DCLRE1B: variants seen among roughly 807,000 people sequenced by gnomAD.
DCLRE1B encodes the protein 5' exonuclease Apollo.
Under a neutral mutation model 19.8 loss-of-function variants are expected in DCLRE1B, and 6 were observed. The observed-to-expected ratio is 0.30, with a 90% CI of 0.17 to 0.60. DCLRE1B has a LOEUF of 0.60. DCLRE1B is among the 20% of genes least tolerant of loss of function. The pLI is 0.87. For synonymous variants in DCLRE1B, 258 were observed against 255.7 expected, an observed-to-expected ratio of 1.01 and a Z score of -0.09; for missense variants, 622 against 654.2, an observed-to-expected ratio of 0.95 and a Z score of 0.54.
intron 2 of DCLRE1B, among the ~76,000 whole-genome samples, chr1:113,907,704 C>T (rs1291536256): frequency 1.3e-5 from 2 of 152,092 alleles, no homozygotes; most frequent in Admixed American, 6.6e-5. Context: ...GAACTCCTGA[C>T]CTCAGGTGAT....
upstream of DCLRE1B, chr1:113,904,828 A>G (rs1432313366): frequency 1.0e-6 from 1 of 971,352 alleles, no homozygotes; most frequent in Non-Finnish European, 1.6e-6. Flanking sequence ...TGAAAATACA[A>G]AAGGCGAGAT....
intron 2 of DCLRE1B, among the ~76,000 whole-genome samples, 187 bp downstream of exon 2, chr1:113,907,348 A>G (rs954089980): frequency 1.3e-5 from 2 of 150,850 alleles, no homozygotes; most frequent in Non-Finnish European, 2.9e-5. Flanking sequence ...ACAAGCCACC[A>G]CACCTGGCAG....
chr1:113,909,620 C>T (rs1272483648), intron 3 of DCLRE1B, among the ~76,000 whole-genome samples: 3 of 152,174 alleles, frequency 2.0e-5, no homozygotes, highest in Admixed American at 6.5e-5. Flanking sequence ...CTTATAAAGA[C>T]CTAACCATTC....
chr1:113,906,392 G>T lies in DCLRE1B; in HGVS notation c.190-604G>T, dbSNP rs1439723335. Among the ~76,000 whole-genome samples the T allele has an allele frequency of 4.6e-5, 7 of 151,286 alleles. No individual in the cohort carries two copies. In the East Asian group the frequency reaches 1.4e-3, roughly 30 times the overall value. ...CTCATCTTAAGAATCCACCTAATGTGCTGGGTGGTTCTCCAGCTCTCTCCC... is the reference window on the plus strand; with the variant it reads ...CTCATCTTAAGAATCCACCTAATGTTCTGGGTGGTTCTCCAGCTCTCTCCC... On this transcript the variant is annotated intron_variant, in intron 1 of 3. Transcript: ENST00000650450.
chr1:113,911,956 C>A lies in DCLRE1B; in HGVS notation c.1364C>A (p.Ser455Tyr). The A allele has an allele frequency of 1.2e-6, 2 of 1,614,178 alleles. No individual in the cohort carries two copies. The highest frequency in any genetic ancestry group is 8.5e-7 in the Non-Finnish European group (1 of 1,180,030). Residue 455 changes from serine (S) to tyrosine (Y), a missense_variant, in exon 4 of 4, where the codon TCC becomes TAC. Around this residue, in one of 3 missense-constraint regions of DCLRE1B, gnomAD observed 382 missense variants for 412.5 expected, o/e 0.93. Coordinates refer to ENST00000650450, the MANE Select transcript of DCLRE1B (RefSeq NM_022836.4). ...ACCAGGGAGGAAATTGGTTTAGGGT[C>A]CCCCTTGGTACCCATGGGAGATGAT... ...QKTREEIGLG[S>Y]PLVPMGDDDG... is the part of the protein sequence containing the mutation.
upstream of DCLRE1B, chr1:113,905,079 C>G (rs975119117): frequency 2.7e-6 from 1 of 375,802 alleles, no homozygotes; most frequent in African/African-American, 2.1e-5. Context: ...CCCTCCACGC[C>G]GTTCTCATCG....
At chr1:113,910,882 T>C (rs1404657964) in intron 3 of DCLRE1B, among the ~76,000 whole-genome samples, 1 of 152,170 alleles carries the variant, frequency 6.6e-6, no homozygotes, top group Non-Finnish European at 1.5e-5. Flanking sequence ...ACAGTTTTCT[T>C]TATTAGTTTT....
chr1:113,908,250 G>T, intron 3 of DCLRE1B, 59 bp downstream of exon 3: 1 of 1,561,650 alleles, frequency 6.4e-7, no homozygotes, highest in South Asian at 1.2e-5. Context: ...ATTCTTTAAG[G>T]ATTCTCACAT....
chr1:113,907,103 C>G lies in DCLRE1B; in HGVS notation c.297C>G (p.His99Gln), dbSNP rs1376204958. 6.2e-7 allele frequency: 1 copy of G among 1,612,158 alleles called. No homozygotes were observed. The highest frequency in any genetic ancestry group is 1.1e-5 in the South Asian group (1 of 91,022). Residue 99 changes from histidine (H) to glutamine (Q), a missense_variant, in exon 2 of 4, where the codon CAC becomes CAG. Transcript: ENST00000650450. ...TMTVTLLDAN[H>Q]CPGSVMFLFE... Reference sequence around the variant, plus strand: ...CCGTAACCCTCCTCGATGCCAATCACTGTCCTGGTTCTGTCATGTTTCTCT... The same window carrying G: ...CCGTAACCCTCCTCGATGCCAATCAGTGTCCTGGTTCTGTCATGTTTCTCT...
chr1:113,904,798 G>C, upstream of DCLRE1B: 1 of 1,204,398 alleles, frequency 8.3e-7, no homozygotes, highest in Non-Finnish European at 1.2e-6. Flanking sequence ...GGGAGCCTGA[G>C]TAAAGGAAAT....
At position 113,911,940 on chromosome 1, in the gene DCLRE1B, G is replaced by A. The variant is rs746256010; in HGVS notation, c.1348G>A (p.Glu450Lys). The A allele has an allele frequency of 8.1e-6, 13 of 1,614,080 alleles. 2 individuals carry two copies. The Admixed American group carries it at 2.2e-4, about 27-fold the overall frequency. Reference sequence around the variant, plus strand: ...GTTTATTTCTCAAAAAACCAGGGAGGAAATTGGTTTAGGGTCCCCCTTGGT... The same window carrying A: ...GTTTATTTCTCAAAAAACCAGGGAGAAAATTGGTTTAGGGTCCCCCTTGGT... ...EEFISQKTRE[E>K]IGLGSPLVPM... The change falls in exon 4 of 4, where the codon GAA becomes AAA. Residue 450 changes from glutamate to lysine, a missense_variant. Glu to Lys is a moderately conservative substitution (Grantham distance 56). This residue lies in a region of DCLRE1B where 382 missense variants were observed against 412.5 expected (regional missense o/e 0.93). Transcript: ENST00000650450.
At position 113,908,131 on chromosome 1, in the gene DCLRE1B, G is replaced by A. The variant is rs758126246; in HGVS notation, c.478G>A (p.Glu160Lys). The change falls in exon 3 of 4, where the codon GAA becomes AAA. Residue 160 changes from glutamate to lysine, a missense_variant. Physicochemically the swap from Glu to Lys is moderately conservative, Grantham distance 56 (BLOSUM62 1). Around this residue, in one of 3 missense-constraint regions of DCLRE1B, gnomAD observed 237 missense variants for 223.8 expected, o/e 1.06. Coordinates refer to ENST00000650450, the MANE Select transcript of DCLRE1B (RefSeq NM_022836.4). Reference protein sequence around the residue: ...NPALVLPSRQEAAHQIVQLIR... With the variant: ...NPALVLPSRQKAAHQIVQLIR... ...AGCCCTGGTTCTTCCTTCCCGACAA[G>A]AAGCTGCCCACCAGATTGTCCAGCT... is the stretch of plus-strand genomic sequence containing the variant. 1.9e-6 allele frequency: 3 copies of A among 1,614,186 alleles called. No homozygotes were observed. The South Asian group carries it at 3.3e-5, about 18-fold the overall frequency.
At position 113,911,724 on chromosome 1, in the gene DCLRE1B, C is replaced by G. The variant is rs773684168; in HGVS notation, c.1132C>G (p.Leu378Val). 7.4e-6 allele frequency: 12 copies of G among 1,614,156 alleles called. No homozygotes were observed. In the South Asian group the frequency reaches 1.2e-4, roughly 16 times the overall value. Residue 378 changes from leucine (L) to valine (V), a missense_variant, in exon 4 of 4, where the codon CTT becomes GTT. By Grantham distance (32) the Leu-to-Val change is conservative. Coordinates refer to ENST00000650450, the MANE Select transcript of DCLRE1B (RefSeq NM_022836.4). ...CTCAAAGAAGGCCAAGAAAGAGAAACTTTCTCCCTGGCCTGCGGACCTTGA... is the reference window on the plus strand; with the variant it reads ...CTCAAAGAAGGCCAAGAAAGAGAAAGTTTCTCCCTGGCCTGCGGACCTTGA... ...RDSKKAKKEK[L>V]SPWPADLEKQ...
chr1:113,907,135 G>A lies in DCLRE1B; in HGVS notation c.329G>A (p.Gly110Glu). ...GGTTCTGTCATGTTTCTCTTTGAAGGATATTTTGGAACCATCCTCTACACA... is the reference window on the plus strand; with the variant it reads ...GGTTCTGTCATGTTTCTCTTTGAAGAATATTTTGGAACCATCCTCTACACA... ...CPGSVMFLFE[G>E]YFGTILYTGD... Residue 110 changes from glycine to glutamate, a missense_variant, in exon 2 of 4, where the codon GGA becomes GAA. Physicochemically the swap from Gly to Glu is moderately conservative, Grantham distance 98 (BLOSUM62 -2). Around this residue, in one of 3 missense-constraint regions of DCLRE1B, gnomAD observed 237 missense variants for 223.8 expected, o/e 1.06. Coordinates refer to ENST00000650450, the MANE Select transcript of DCLRE1B (RefSeq NM_022836.4). 2 of 1,576,536 alleles carry A rather than the reference G, an allele frequency of 1.3e-6. No homozygotes were observed. The highest frequency in any genetic ancestry group is 1.1e-5 in the South Asian group (1 of 90,590).
chr1:113,910,075 T>C (rs1056353117), intron 3 of DCLRE1B, among the ~76,000 whole-genome samples: 1 of 152,232 alleles, frequency 6.6e-6, no homozygotes, highest in Admixed American at 6.5e-5. Context: ...CTCCATTTCT[T>C]TCTCTGTAAG....
chr1:113,909,570 C>T (rs1408924710), intron 3 of DCLRE1B, among the ~76,000 whole-genome samples: 4 of 152,130 alleles, frequency 2.6e-5, no homozygotes, highest in Admixed American at 1.3e-4. Flanking sequence ...ACTACCAAAT[C>T]GATTGAGAAA....
At chr1:113,907,464 G>GA (rs1553261686) in intron 2 of DCLRE1B, among the ~76,000 whole-genome samples, 83 of 149,610 alleles carry the variant, frequency 5.5e-4, no homozygotes, top group African/African-American at 2.0e-3. Flanking sequence ...ATTTCCCACT[G>GA]TTTTTTTTTC....
Position 113,911,543 on chromosome 1 carries a change from C to T in DCLRE1B, c.951C>T (p.Pro317=), listed in dbSNP as rs1156307838. 5.6e-6 allele frequency: 9 copies of T among 1,612,784 alleles called. No homozygotes were observed. Among genetic ancestry groups the T allele is most frequent in the Admixed American group, 1.7e-5 (1 of 59,896 alleles). Residue 317 remains proline, a synonymous_variant, in exon 4 of 4, where the codon CCC becomes CCT. Transcript: ENST00000650450. ...QDSLSPRISV[P]LIPDSVQQYM... ...GTCTGAGCCCCAGGATCTCCGTGCC[C>T]CTGATTCCGGACTCTGTACAGCAAT...
Position 113,907,084 on chromosome 1 carries a change from C to G in DCLRE1B, c.278C>G (p.Thr93Ser). ...DEIGQETMTV[T>S]LLDANHCPGS... is the part of the protein sequence containing the mutation. ...ATTGGACAAGAGACCATGACCGTAA[C>G]CCTCCTCGATGCCAATCACTGTCCT... Residue 93 changes from threonine to serine, a missense_variant, in exon 2 of 4, where the codon ACC becomes AGC. Transcript: ENST00000650450. The G allele has an allele frequency of 6.2e-7, 1 of 1,614,014 alleles. No homozygotes were observed. The highest frequency in any genetic ancestry group is 1.1e-5 in the South Asian group (1 of 91,066).
Sources: gnomAD v4.1 joint callset for allele counts (sites outside exome capture counted in the v4.1 genomes callset) on GRCh38, gnomAD v4.1.1 for gene constraint, gnomAD v4.1.1 regional missense constraint, MANE v1.5 for transcripts, NCBI Gene and HGNC (gene_info 2026-07-23, HGNC 2026-07-21) for gene names.